CCBE1: variants seen among roughly 807,000 people sequenced by gnomAD.
CCBE1 encodes the protein collagen and calcium binding EGF domains 1.
Under a neutral mutation model 50.0 loss-of-function variants are expected in CCBE1, and 37 were observed. The ratio of observed to expected loss-of-function variants is 0.74; its 90% CI spans 0.57 to 0.97. The LOEUF is 0.97. CCBE1 is among the 50% of genes least tolerant of loss of function. CCBE1 has a pLI of 0.00. For missense variants in CCBE1, 538 were observed against 523.8 expected (o/e 1.03, Z -0.26); for synonymous variants, 234 against 203.7 (o/e 1.15, Z -1.27).
At chr18:59,578,525 T>C (rs914595174) in intron 2 of CCBE1, among the ~76,000 whole-genome samples, 2 of 152,182 alleles carry the variant, frequency 1.3e-5, no homozygotes, top group African/African-American at 4.8e-5. Flanking sequence ...CTGTTCACAA[T>C]AGCAAAGACT....
At chr18:59,537,168 T>C (rs1915285260) in intron 2 of CCBE1, among the ~76,000 whole-genome samples, 1 of 152,146 alleles carries the variant, frequency 6.6e-6, no homozygotes, top group Non-Finnish European at 1.5e-5. Context: ...TTTATGATAG[T>C]TCTGATCTGT....
chr18:59,445,566 A>G (rs1276583731), intron 7 of CCBE1, among the ~76,000 whole-genome samples: 7 of 152,210 alleles, frequency 4.6e-5, no homozygotes, highest in African/African-American at 1.7e-4. Flanking sequence ...GAGACTTTAA[A>G]CTTTTCACAT....
At chr18:59,560,509 A>G (rs2052720181) in intron 2 of CCBE1, among the ~76,000 whole-genome samples, 1 of 152,302 alleles carries the variant, frequency 6.6e-6, no homozygotes, top group African/African-American at 2.4e-5. Context: ...TGCGGGGCTT[A>G]AAACCTAGAT....
At chr18:59,624,163 T>C (rs750197794) in intron 2 of CCBE1, among the ~76,000 whole-genome samples, 1 of 152,240 alleles carries the variant, frequency 6.6e-6, no homozygotes, top group East Asian at 1.9e-4. Flanking sequence ...GAAGTGCTTT[T>C]CAACTCTAGC....
chr18:59,460,798 G>C lies in CCBE1; in HGVS notation c.554-5847C>G, dbSNP rs1261939072. On this transcript the variant is annotated intron_variant, in intron 5 of 10. Coordinates refer to ENST00000439986, the MANE Select transcript of CCBE1 (RefSeq NM_133459.4). ...AATACAAAAAGGTTTAGCTGGGCAT[G>C]GTGGCGCACGTCTGTAATCCCAGCT... 2.0e-5 allele frequency among the ~76,000 whole-genome samples: 3 copies of C among 152,070 alleles called. No homozygotes were observed. In the East Asian group the frequency reaches 5.8e-4, roughly 29 times the overall value.
chr18:59,561,152 G>T (rs1477865242), intron 2 of CCBE1, among the ~76,000 whole-genome samples: 1 of 152,194 alleles, frequency 6.6e-6, no homozygotes, highest in African/African-American at 2.4e-5. Flanking sequence ...ATCACCAAAA[G>T]GGTAACTCCT....
intron 2 of CCBE1, among the ~76,000 whole-genome samples, chr18:59,559,864 G>A (rs1252087294): frequency 6.6e-6 from 1 of 152,196 alleles, no homozygotes; most frequent in Admixed American, 6.5e-5. Flanking sequence ...GTTTCACACG[G>A]CTTGGCAGCT....
chr18:59,490,397 T>TTTC (rs1440690558), intron 2 of CCBE1, among the ~76,000 whole-genome samples: 2 of 151,878 alleles, frequency 1.3e-5, no homozygotes, highest in Non-Finnish European at 2.9e-5. Context: ...CTTTTTTTTT[T>TTTC]TTTGCATATT....
rs145096093 is a variant in CCBE1 at position 59,513,265 on chromosome 18, G to A, written c.213-33027C>T. ...AGAGATTGTAGTGAGCGGAGATTGT[G>A]CCACTGCACTCTAACCTGGGTGACA... On this transcript the variant is annotated intron_variant, in intron 2 of 10. Coordinates refer to ENST00000439986, the MANE Select transcript of CCBE1 (RefSeq NM_133459.4). Among the ~76,000 whole-genome samples the A allele has an allele frequency of 5.2e-3, 792 of 152,266 alleles. 6 individuals are homozygous for A. The highest frequency in any genetic ancestry group is 0.018 in the African/African-American group (731 of 41,546).
At chr18:59,568,319 T>C (rs2052859967) in intron 2 of CCBE1, 1 of 152,216 alleles carries the variant, frequency 6.6e-6, no homozygotes, top group Admixed American at 6.5e-5. Flanking sequence ...ACCGTGTAAA[T>C]GGACAGGACA....
intron 2 of CCBE1, among the ~76,000 whole-genome samples, chr18:59,521,178 C>A (rs972172982): frequency 2.6e-5 from 4 of 152,140 alleles, no homozygotes; most frequent in Non-Finnish European, 1.5e-5. Context: ...CTATTTTAAG[C>A]AAACAAGAAT....
chr18:59,657,025 C>T (rs1019574659), intron 2 of CCBE1, among the ~76,000 whole-genome samples: 16 of 152,332 alleles, frequency 1.1e-4, no homozygotes, highest in African/African-American at 3.8e-4. Flanking sequence ...GCCAGGACCC[C>T]AGAATGTCTC....
chr18:59,587,261 G>A (rs1369819036), intron 2 of CCBE1, among the ~76,000 whole-genome samples: 2 of 152,154 alleles, frequency 1.3e-5, no homozygotes, highest in African/African-American at 4.8e-5. Context: ...TAAACAAAAT[G>A]TTAACACTCC....
chr18:59,569,322 T>C (rs1034021928), intron 2 of CCBE1, among the ~76,000 whole-genome samples: 1 of 152,254 alleles, frequency 6.6e-6, no homozygotes, highest in African/African-American at 2.4e-5. Flanking sequence ...ACTAGCAGTC[T>C]GTCCTAAAAA....
At chr18:59,584,262 A>C (rs2053141439) in intron 2 of CCBE1, among the ~76,000 whole-genome samples, 1 of 149,418 alleles carries the variant, frequency 6.7e-6, no homozygotes, top group African/African-American at 2.5e-5. Flanking sequence ...AAAAAACCAA[A>C]CACCACATGT....
intron 2 of CCBE1, among the ~76,000 whole-genome samples, chr18:59,573,250 A>G (rs2052942202): frequency 1.5e-5 from 2 of 133,054 alleles, no homozygotes; most frequent in Non-Finnish European, 3.3e-5. Flanking sequence ...GTGCCAGTGC[A>G]CTCCAGCCTG....
chr18:59,696,668 G>A lies in CCBE1; in HGVS notation c.173C>T (p.Pro58Leu), dbSNP rs778757631. 3.1e-6 allele frequency: 5 copies of A among 1,614,042 alleles called. No individual in the cohort carries two copies. In the African/African-American group the frequency reaches 5.3e-5, roughly 17 times the overall value. The change falls in exon 2 of 11, where the codon CCG becomes CTG. Residue 58 changes from proline (P) to leucine (L), a missense_variant. Coordinates refer to ENST00000439986, the MANE Select transcript of CCBE1 (RefSeq NM_133459.4). Reference sequence around the variant, plus strand: ...GAGCTCGCCTGAAGACTTCAGACACGGGTATTTAGTCGTCGCGATTTTGCT... The same window carrying A: ...GAGCTCGCCTGAAGACTTCAGACACAGGTATTTAGTCGTCGCGATTTTGCT... ...SESKIATTKYPCLKSSGELTT... is the reference protein window; with the variant it reads ...SESKIATTKYLCLKSSGELTT...
chr18:59,610,763 C>T (rs2053557998), intron 2 of CCBE1, among the ~76,000 whole-genome samples: 1 of 136,204 alleles, frequency 7.3e-6, no homozygotes, highest in Non-Finnish European at 1.6e-5. Context: ...AGGAACGGAG[C>T]CTCACACAGA....
intron 2 of CCBE1, among the ~76,000 whole-genome samples, chr18:59,540,603 T>C (rs942350124): frequency 6.6e-6 from 1 of 152,216 alleles, no homozygotes; most frequent in Admixed American, 6.5e-5. Flanking sequence ...ACTGATTTTC[T>C]TAACATGGCT....
Sources: allele counts gnomAD v4.1 joint callset (sites outside exome capture counted in the v4.1 genomes callset), GRCh38; gene constraint gnomAD v4.1.1; transcripts MANE v1.5; gene names NCBI Gene and HGNC (gene_info 2026-07-23, HGNC 2026-07-21).